CAPZA1: variants seen among roughly 807,000 people sequenced by gnomAD.
CAPZA1 encodes the protein F-actin-capping protein subunit alpha-1.
A neutral mutation model predicts 40.8 loss-of-function variants in CAPZA1; 10 were observed. The ratio of observed to expected loss-of-function variants is 0.25; its 90% CI spans 0.15 to 0.42. The LOEUF (loss-of-function observed/expected upper bound fraction) is 0.42, where lower values mean the gene tolerates loss of function less well. Among genes scored for constraint, CAPZA1 ranks in the 10% least tolerant of loss-of-function variants. The pLI, the probability that CAPZA1 is intolerant of heterozygous loss-of-function variation, is 1.00. For synonymous variants in CAPZA1, 98 were observed against 115.0 expected (o/e 0.85, Z 0.95); for missense variants, 277 against 353.8 (o/e 0.78, Z 1.74).
chr1:112,669,494 T>C, intron 8 of CAPZA1, 49 bp from the exon 9 acceptor site: 1 of 1,280,990 alleles, frequency 7.8e-7, no homozygotes, highest in South Asian at 1.2e-5. Flanking sequence ...TCTTACTGCT[T>C]ACACATTAAA....
intron 1 of CAPZA1, among the ~76,000 whole-genome samples, chr1:112,640,285 C>T (rs1671122269): frequency 3.0e-5 from 4 of 132,186 alleles, no homozygotes; most frequent in Admixed American, 2.9e-4. Context: ...GCCCCTCTGC[C>T]CGGCCAGCCG....
chr1:112,635,553 C>CTTTTT (rs5777132), intron 1 of CAPZA1, among the ~76,000 whole-genome samples: 1 of 139,552 alleles, frequency 7.2e-6, no homozygotes, highest in Non-Finnish European at 1.5e-5. Flanking sequence ...TTGTCAAGGA[C>CTTTTT]TTTTTTTTTT....
chr1:112,655,999 TG>T (rs1341080839), intron 5 of CAPZA1, among the ~76,000 whole-genome samples: 3 of 152,248 alleles, frequency 2.0e-5, no homozygotes, highest in Non-Finnish European at 4.4e-5. Flanking sequence ...AAATATGATA[TG>T]TACAACATGA....
intron 1 of CAPZA1, among the ~76,000 whole-genome samples, chr1:112,630,324 T>A (rs1018745918): frequency 5.3e-5 from 8 of 151,992 alleles, no homozygotes; most frequent in Non-Finnish European, 1.0e-4. Flanking sequence ...TTTTATTTTT[T>A]ATTTTTTAAT....
intron 7 of CAPZA1, among the ~76,000 whole-genome samples, chr1:112,664,142 G>A (rs911505817): frequency 6.7e-6 from 1 of 149,520 alleles, no homozygotes; most frequent in Non-Finnish European, 1.5e-5. Context: ...TGAGGCAGGA[G>A]AATTGCTTGA....
chr1:112,635,714 G>A (rs1392905664), intron 1 of CAPZA1, among the ~76,000 whole-genome samples: 1 of 152,098 alleles, frequency 6.6e-6, no homozygotes, highest in African/African-American at 2.4e-5. Flanking sequence ...GAGCCACCGT[G>A]CCCGGCCCAA....
intron 1 of CAPZA1, among the ~76,000 whole-genome samples, chr1:112,632,323 A>G (rs532819199): frequency 6.6e-6 from 1 of 152,252 alleles, no homozygotes; most frequent in South Asian, 2.1e-4. Context: ...GACTATTACA[A>G]TAGGGGAGAA....
At chr1:112,664,384 G>C (rs1335122444) in intron 7 of CAPZA1, among the ~76,000 whole-genome samples, 1 of 152,104 alleles carries the variant, frequency 6.6e-6, no homozygotes, top group South Asian at 2.1e-4. Flanking sequence ...TATCCACAAA[G>C]AGTAAGCCCC....
intron 1 of CAPZA1, among the ~76,000 whole-genome samples, chr1:112,631,742 T>A (rs1057496939): frequency 2.6e-5 from 4 of 152,208 alleles, no homozygotes; most frequent in African/African-American, 9.7e-5. Flanking sequence ...TTTATTTTAT[T>A]TATTCTTGGG....
chr1:112,636,220 T>G (rs905187035), intron 1 of CAPZA1, among the ~76,000 whole-genome samples: 3 of 152,108 alleles, frequency 2.0e-5, no homozygotes, highest in Admixed American at 2.0e-4. Context: ...AAATGAAACT[T>G]AGGACTTTTC....
intron 1 of CAPZA1, chr1:112,646,608 G>A (rs1671285723): frequency 1.3e-5 from 2 of 151,988 alleles, no homozygotes; most frequent in Non-Finnish European, 2.9e-5. Flanking sequence ...TAGTGACATT[G>A]CTTATGTTTC....
intron 1 of CAPZA1, among the ~76,000 whole-genome samples, chr1:112,637,184 T>A (rs904094651): frequency 1.3e-5 from 2 of 152,278 alleles, no homozygotes; most frequent in Non-Finnish European, 2.9e-5. Flanking sequence ...CCTGAACCTA[T>A]TTCTTGATTT....
At chr1:112,653,091 A>G (rs966890586) in intron 3 of CAPZA1, among the ~76,000 whole-genome samples, 4 of 152,228 alleles carry the variant, frequency 2.6e-5, no homozygotes, top group South Asian at 2.1e-4. Flanking sequence ...TAGTGTATCA[A>G]TGGAGGATTC....
intron 4 of CAPZA1, 69 bp downstream of exon 4, chr1:112,653,730 A>ACCTGGTTCAGACATCTGCTTT: frequency 9.7e-7 from 1 of 1,035,572 alleles, no homozygotes; most frequent in Non-Finnish European, 1.5e-6. Flanking sequence ...AAACCAAAGC[A>ACCTGGTTCAGACATCTGCTTT]GATGTCTGAA....
intron 8 of CAPZA1, among the ~76,000 whole-genome samples, chr1:112,668,675 A>G (rs892751389): frequency 2.0e-5 from 3 of 152,004 alleles, no homozygotes; most frequent in South Asian, 4.1e-4. Context: ...TAGTAGAGAC[A>G]GGGTTTCACC....
chr1:112,653,656 G>A lies in CAPZA1; in HGVS notation c.214G>A (p.Asp72Asn). The change falls in exon 4 of 10, where the codon GAT becomes AAT. Residue 72 changes from aspartate (D) to asparagine (N), a missense_variant. Physicochemically the swap from Asp to Asn is conservative, Grantham distance 23 (BLOSUM62 1). Around this residue, in one of 2 missense-constraint regions of CAPZA1, gnomAD observed 192 missense variants for 277.2 expected, o/e 0.69. Coordinates refer to ENST00000263168, the MANE Select transcript of CAPZA1 (RefSeq NM_006135.3). ...FTPVKIEGYE[D>N]QVLITEHGDL... ...GCCTGTGAAGATAGAAGGATATGAA[G>A]ATCAGGTAATAATTGCCTTTTAGAC... The A allele has an allele frequency of 6.3e-7, 1 of 1,599,518 alleles. No homozygotes were observed.
At chr1:112,623,437 C>G (rs1670724845) in intron 1 of CAPZA1, among the ~76,000 whole-genome samples, 1 of 152,030 alleles carries the variant, frequency 6.6e-6, no homozygotes, top group Non-Finnish European at 1.5e-5. Flanking sequence ...CCCCAACACT[C>G]TGGGAGGCCG....
At chr1:112,628,247 A>G (rs1241559593) in intron 1 of CAPZA1, among the ~76,000 whole-genome samples, 1 of 152,214 alleles carries the variant, frequency 6.6e-6, no homozygotes, top group African/African-American at 2.4e-5. Flanking sequence ...ATTATTTGTA[A>G]TAAGCCTCCC....
intron 5 of CAPZA1, among the ~76,000 whole-genome samples, chr1:112,657,577 TGTCAGCA>T (rs1671523491): frequency 6.6e-6 from 1 of 152,136 alleles, no homozygotes; most frequent in African/African-American, 2.4e-5. Context: ...CTTAGGCTGC[TGTCAGCA>T]ACCCCTAATT....
Sources: allele counts gnomAD v4.1 joint callset (sites outside exome capture counted in the v4.1 genomes callset), GRCh38; gene constraint gnomAD v4.1.1; regional missense constraint gnomAD v4.1.1; transcripts MANE v1.5; gene names NCBI Gene and HGNC (gene_info 2026-07-23, HGNC 2026-07-21).